Variants in LHFPL3 observed in about 807,000 individuals in gnomAD.
The protein encoded by LHFPL3 is LHFPL tetraspan subfamily member 3 protein.
A neutral mutation model predicts 19.3 loss-of-function variants in LHFPL3; 5 were observed. The observed-to-expected ratio is 0.26, with a 90% CI of 0.14 to 0.54. The LOEUF (loss-of-function observed/expected upper bound fraction) is 0.54. LHFPL3 is among the 20% of genes least tolerant of loss of function. The probability of loss-of-function intolerance (pLI) is 0.94; values close to 1 mark genes in which losing one functional copy is unlikely to be tolerated. For missense variants in LHFPL3, 249 were observed against 307.4 expected (o/e 0.81, Z 1.42); for synonymous variants, 133 against 126.2 (o/e 1.05, Z -0.36).
intron 2 of LHFPL3, among the ~76,000 whole-genome samples, chr7:104,815,572 T>TTAAG (rs1410564886): frequency 9.8e-5 from 15 of 152,334 alleles, no homozygotes; most frequent in African/African-American, 3.4e-4. Flanking sequence ...TCTGTACATT[T>TTAAG]TAAGTTTTTC....
intron 1 of LHFPL3, among the ~76,000 whole-genome samples, chr7:104,703,829 GCT>G (rs1004951067): frequency 2.0e-5 from 3 of 151,644 alleles, no homozygotes; most frequent in African/African-American, 7.3e-5. Flanking sequence ...GGCTTGGTCA[GCT>G]CTCTCTTCTT....
At chr7:104,780,941 C>T (rs776628037) in intron 2 of LHFPL3, among the ~76,000 whole-genome samples, 3 of 152,316 alleles carry the variant, frequency 2.0e-5, no homozygotes, top group Middle Eastern at 3.4e-3. Context: ...TGTCATCACT[C>T]GATTTCTGAC....
At chr7:104,539,321 A>G (rs752990675) in intron 1 of LHFPL3, among the ~76,000 whole-genome samples, 2 of 152,116 alleles carry the variant, frequency 1.3e-5, no homozygotes, top group Non-Finnish European at 2.9e-5. Flanking sequence ...TACTTGTGTG[A>G]GGTCCTTTTC....
At chr7:104,893,230 T>A (rs1216108758) in intron 2 of LHFPL3, among the ~76,000 whole-genome samples, 2 of 149,410 alleles carry the variant, frequency 1.3e-5, no homozygotes, top group African/African-American at 2.5e-5. Flanking sequence ...AAAAAAAAAA[T>A]TGGCCTGGCA....
At chr7:104,832,624 C>T (rs923812895) in intron 2 of LHFPL3, among the ~76,000 whole-genome samples, 6 of 132,026 alleles carry the variant, frequency 4.5e-5, no homozygotes, top group South Asian at 2.4e-4. Context: ...TTTTTTCCTT[C>T]TTTTTTTTTT....
chr7:104,692,248 G>A, intron 1 of LHFPL3, among the ~76,000 whole-genome samples: 1 of 152,196 alleles, frequency 6.6e-6, no homozygotes, highest in African/African-American at 2.4e-5. Context: ...CAGAAAATTT[G>A]CAGGCTGATG....
intron 1 of LHFPL3, among the ~76,000 whole-genome samples, chr7:104,575,921 C>CT (rs947305145): frequency 3.3e-5 from 5 of 152,090 alleles, no homozygotes; most frequent in Admixed American, 1.3e-4. Flanking sequence ...GGGAGGTAAT[C>CT]TTTTTGGAAA....
intron 1 of LHFPL3, among the ~76,000 whole-genome samples, chr7:104,595,538 A>G (rs1790832428): frequency 6.6e-6 from 1 of 152,230 alleles, no homozygotes; most frequent in Non-Finnish European, 1.5e-5. Context: ...TTGAGGAAGC[A>G]GTCTTTCCGT....
At chr7:104,393,513 C>T (rs184535349) in intron 1 of LHFPL3, among the ~76,000 whole-genome samples, 1,692 of 151,950 alleles carry the variant, frequency 0.011, 15 homozygotes, top group Non-Finnish European at 0.019. Flanking sequence ...GTCAGGAGTT[C>T]GAGACCAGCC....
chr7:104,819,692 T>C (rs1029389984), intron 2 of LHFPL3, among the ~76,000 whole-genome samples: 1 of 152,200 alleles, frequency 6.6e-6, no homozygotes, highest in Non-Finnish European at 1.5e-5. Context: ...GTCCTTTGCT[T>C]GAAAGTAATC....
At chr7:104,824,844 A>G (rs1790786028) in intron 2 of LHFPL3, among the ~76,000 whole-genome samples, 2 of 130,926 alleles carry the variant, frequency 1.5e-5, no homozygotes, top group East Asian at 4.1e-4. Flanking sequence ...TATATTATAT[A>G]TTATCTAATA....
chr7:104,531,563 A>G (rs567558275), intron 1 of LHFPL3, among the ~76,000 whole-genome samples: 2 of 152,200 alleles, frequency 1.3e-5, no homozygotes, highest in African/African-American at 4.8e-5. Context: ...GACCCCTACA[A>G]AGAAAGCCCG....
chr7:104,549,303 T>A (rs1584394632), intron 1 of LHFPL3, among the ~76,000 whole-genome samples: 2 of 113,670 alleles, frequency 1.8e-5, no homozygotes, highest in South Asian at 4.7e-4. Flanking sequence ...AATCTGAGAA[T>A]ATATATATAT....
chr7:104,411,343 T>A (rs1282081474), intron 1 of LHFPL3, among the ~76,000 whole-genome samples: 5 of 152,188 alleles, frequency 3.3e-5, no homozygotes, highest in African/African-American at 4.8e-5. Context: ...TTCCTCAGAT[T>A]GTCAGGTTAT....
At chr7:104,899,457 C>T (rs968979628) in intron 2 of LHFPL3, among the ~76,000 whole-genome samples, 2 of 151,700 alleles carry the variant, frequency 1.3e-5, no homozygotes, top group African/African-American at 4.8e-5. Context: ...GTGGGACAGA[C>T]CTCGCTGAGA....
At chr7:104,724,906 C>T (rs563277865) in intron 1 of LHFPL3, among the ~76,000 whole-genome samples, 1 of 152,178 alleles carries the variant, frequency 6.6e-6, no homozygotes, top group Non-Finnish European at 1.5e-5. Context: ...TCTCCAGGAG[C>T]CCAAAACCCT....
chr7:104,754,145 G>T (rs569141038), intron 2 of LHFPL3, among the ~76,000 whole-genome samples: 1 of 152,246 alleles, frequency 6.6e-6, no homozygotes, highest in South Asian at 2.1e-4. Flanking sequence ...AGAAACCATG[G>T]AGTACTAGGT....
chr7:104,480,980 G>C (rs1013718139), intron 1 of LHFPL3, among the ~76,000 whole-genome samples: 2 of 152,178 alleles, frequency 1.3e-5, no homozygotes, highest in Non-Finnish European at 2.9e-5. Flanking sequence ...GAGTAATGGG[G>C]TGAAGCAAGG....
chr7:104,556,821 A>T (rs967820877), intron 1 of LHFPL3, among the ~76,000 whole-genome samples: 1 of 152,254 alleles, frequency 6.6e-6, no homozygotes, highest in Non-Finnish European at 1.5e-5. Context: ...TGCCTTTAAC[A>T]GAAACCAAGT....
Sources: gnomAD v4.1 joint callset for allele counts (sites outside exome capture counted in the v4.1 genomes callset) on GRCh38, gnomAD v4.1.1 for gene constraint, MANE v1.5 for transcripts, NCBI Gene and HGNC (gene_info 2026-07-23, HGNC 2026-07-21) for gene names.